The following WDR75 variants were observed in gnomAD, a reference collection of about 807,000 sequenced individuals.
The protein encoded by WDR75 is WD repeat-containing protein 75.
Under a neutral mutation model 106.1 loss-of-function variants are expected in WDR75, and 52 were observed. That is an observed-to-expected ratio of 0.49 (90% CI 0.39 to 0.62). The LOEUF is 0.62. Among genes scored for constraint, WDR75 ranks in the 20% least tolerant of loss-of-function variants. The probability of loss-of-function intolerance (pLI) is 0.00; values close to 1 mark genes in which losing one functional copy is unlikely to be tolerated. For synonymous variants in WDR75, 333 were observed against 335.5 expected (o/e 0.99, Z 0.08); for missense variants, 905 against 970.3 (o/e 0.93, Z 0.89).
chr2:189,467,495 T>C lies in WDR75; in HGVS notation c.1475T>C (p.Phe492Ser). Residue 492 changes from phenylalanine (F) to serine (S), a missense_variant, in exon 14 of 21, where the codon TTT (phenylalanine) becomes TCT (serine). Coordinates refer to ENST00000314761, the MANE Select transcript of WDR75 (RefSeq NM_032168.3). ...AAAGCTGTTGGCTGGACCTGTGACT[T>C]TGTTGGTAGTTATCACAAGTATCAA... ...YKKAVGWTCD[F>S]VGSYHKYQAT... 2 of 1,603,190 alleles carry C rather than the reference T, an allele frequency of 1.2e-6. No homozygotes were observed. Among genetic ancestry groups the C allele is most frequent in the Non-Finnish European group, 1.7e-6 (2 of 1,175,378 alleles).
chr2:189,452,346 T>C (rs13001263), intron 4 of WDR75, among the ~76,000 whole-genome samples: 23,825 of 152,064 alleles, frequency 0.16, 2,363 homozygotes, highest in East Asian at 0.29. Context: ...GATCACAAGG[T>C]CAGGAGATCT....
At chr2:189,445,648 T>G (rs1220781739) in intron 1 of WDR75, among the ~76,000 whole-genome samples, 1 of 152,158 alleles carries the variant, frequency 6.6e-6, no homozygotes, top group East Asian at 1.9e-4. Flanking sequence ...GAGCTCCAAA[T>G]AAATTATGTA....
rs372831615 is a variant in WDR75, at chr2:189,466,398, A to G, written c.1290-27A>G. On this transcript the variant is annotated intron_variant, in intron 12 of 20. Transcript: ENST00000314761. The stretch of plus-strand genomic sequence containing the variant: ...TACATCACTTTGTCCTCATGCAAGA[A>G]TAAATTTGTGGTTTCCTTCCCGCTA... 40 of 1,609,296 alleles carry G rather than the reference A, an allele frequency of 2.5e-5. No individual in the cohort carries two copies. The African/African-American group carries it at 3.5e-4, about 14-fold the overall frequency.
intron 2 of WDR75, chr2:189,450,417 G>A (rs148297409): frequency 1.7e-3 from 1,552 of 932,968 alleles, no homozygotes; most frequent in Non-Finnish European, 1.9e-3. Context: ...GGAGTACAGC[G>A]ATGTGATTGA....
Position 189,470,122 on chromosome 2 carries a change from G to A in WDR75, c.1866G>A (p.Lys622=), listed in dbSNP as rs763278951. 3.7e-6 allele frequency: 6 copies of A among 1,613,292 alleles called. No individual in the cohort carries two copies. The highest frequency in any genetic ancestry group is 4.2e-6 in the Non-Finnish European group (5 of 1,179,550). The change falls in exon 17 of 21, where the codon AAG becomes AAA. Residue 622 remains lysine, a synonymous_variant. Coordinates refer to ENST00000314761, the MANE Select transcript of WDR75 (RefSeq NM_032168.3). ...AGCCAAGGCCATTGTATATTCAAAA[G>A]GGTATCTCCAGAGAGAAAGTCCAGT... is the stretch of plus-strand genomic sequence containing the variant. ...PSEPRPLYIQ[K]GISREKVQWG... is the part of the protein sequence containing the mutation.
Position 189,465,193 on chromosome 2 carries a change from G to A in WDR75, c.1228G>A (p.Glu410Lys), listed in dbSNP as rs753838995. The change falls in exon 12 of 21, where the codon GAA becomes AAA. Residue 410 changes from glutamate (E) to lysine (K), a missense_variant. Physicochemically the swap from Glu to Lys is moderately conservative, Grantham distance 56. Coordinates refer to ENST00000314761, the MANE Select transcript of WDR75 (RefSeq NM_032168.3). ...NWLATVEQRQ[E>K]KETELELQMK... ...GCTTGCAACAGTGGAACAGCGGCAA[G>A]AAAAGGAAACTGAGCTTGAATTGCA... 3.7e-6 allele frequency: 6 copies of A among 1,613,220 alleles called. No homozygotes were observed. The Admixed American group carries it at 1.0e-4, about 27-fold the overall frequency.
At chr2:189,453,779 A>G (rs1574191977) in intron 4 of WDR75, among the ~76,000 whole-genome samples, 1 of 151,630 alleles carries the variant, frequency 6.6e-6, no homozygotes. Flanking sequence ...CTCAAATACA[A>G]AAACATATAT....
At chr2:189,463,660 T>C (rs750003035) in intron 9 of WDR75, 34 bp from the exon 10 acceptor site, 6 of 1,610,898 alleles carry the variant, frequency 3.7e-6, no homozygotes, top group South Asian at 3.3e-5. Context: ...TCTAACCTAT[T>C]GATATTTAAA....
Position 189,451,923 on chromosome 2 carries a change from G to A in WDR75, c.373+28G>A, listed in dbSNP as rs113693273. 1,227 of 1,525,906 alleles carry A rather than the reference G, an allele frequency of 8.0e-4. 16 individuals are homozygous for A. The Admixed American group carries it at 0.019, about 24-fold the overall frequency. The allele number at this position is 1,525,906 out of a possible 1,614,324, so 94.5% of individuals were successfully genotyped here. The stretch of plus-strand genomic sequence containing the variant: ...ATGGTATAATTAACTTACTATATAT[G>A]GCATTGAGTGGCTCTTTACATTTTA... On this transcript the variant is annotated intron_variant, in intron 4 of 20. Coordinates refer to ENST00000314761, the MANE Select transcript of WDR75 (RefSeq NM_032168.3).
intron 17 of WDR75, among the ~76,000 whole-genome samples, chr2:189,470,521 TTTTTTC>T (rs1487715103): frequency 2.0e-5 from 3 of 152,144 alleles, no homozygotes; most frequent in African/African-American, 7.2e-5. Flanking sequence ...TGCATGATTC[TTTTTTC>T]TTTTTCTTTT....
chr2:189,448,887 G>T (rs28509172), intron 2 of WDR75: 18,646 of 471,866 alleles, frequency 0.04, 473 homozygotes, highest in African/African-American at 0.068. Context: ...ACCATTTGGT[G>T]TCTGGAACAC....
chr2:189,452,857 G>A (rs1686656342), intron 4 of WDR75, among the ~76,000 whole-genome samples: 1 of 152,268 alleles, frequency 6.6e-6, no homozygotes, highest in East Asian at 1.9e-4. Context: ...AGAATATGAA[G>A]CAGCTTTAAG....
intron 4 of WDR75, among the ~76,000 whole-genome samples, chr2:189,454,487 A>G (rs1424448840): frequency 6.6e-6 from 1 of 152,076 alleles, no homozygotes. Flanking sequence ...TTTGGAATGT[A>G]AAATGCACCA....
At position 189,469,696 on chromosome 2, in the gene WDR75, G is replaced by C. The variant is rs539259741; in HGVS notation, c.1819+257G>C. The stretch of plus-strand genomic sequence containing the variant: ...AAAATTCAAGAGATTTCACCAGTTT[G>C]ACATATTTCCAACTGCCCCTGAGAA... On this transcript the variant is annotated intron_variant, in intron 16 of 20. Coordinates refer to ENST00000314761, the MANE Select transcript of WDR75 (RefSeq NM_032168.3). Among the ~76,000 whole-genome samples, 7 of 152,068 alleles carry C rather than the reference G, an allele frequency of 4.6e-5. No individual in the cohort carries two copies. The South Asian group carries it at 1.2e-3, about 27-fold the overall frequency.
rs1188214718 is a variant in WDR75 at position 189,442,442 on chromosome 2, C to CTTTTTTTTTTTTTTT, written c.86+876_86+890dup. Among the ~76,000 whole-genome samples, 7 of 73,900 alleles carry CTTTTTTTTTTTTTTT rather than the reference C, an allele frequency of 9.5e-5. 2 individuals are homozygous for CTTTTTTTTTTTTTTT. The highest frequency in any genetic ancestry group is 2.8e-4 in the African/African-American group (5 of 18,100). 48.5% of individuals were successfully genotyped at this position (73,900 alleles called of 152,430 possible). A position where few individuals can be genotyped will look rare whatever the true frequency, so the allele number is the denominator to read the frequency against. On this transcript the variant is annotated intron_variant, in intron 1 of 20. Coordinates refer to ENST00000314761, the MANE Select transcript of WDR75 (RefSeq NM_032168.3). The stretch of plus-strand genomic sequence containing the variant: ...GAAAGTTTGTAGCCTCCACAATATT[C>CTTTTTTTTTTTTTTT]TTTTTTTTTTTTTTTTTTTTTTTTT...
intron 2 of WDR75, chr2:189,449,458 G>A: frequency 8.8e-7 from 1 of 1,133,444 alleles, no homozygotes; most frequent in Non-Finnish European, 1.1e-6. Context: ...GCTGTGTGTA[G>A]TGTTTGAATG....
In WDR75 at chr2:189,474,809, G is replaced by A. The variant is rs896364124; in HGVS notation, c.2288+1G>A. 1 of 1,612,236 alleles carries A rather than the reference G, an allele frequency of 6.2e-7. No individual in the cohort carries two copies. Among genetic ancestry groups the A allele is most frequent in the African/African-American group, 1.3e-5 (1 of 74,876 alleles). Reference sequence around the variant, plus strand: ...TGCTGCTGTCTAAAGAGACTAAGAGGTAAAGCAGTTCTTAAGACAGGTTTG... The same window carrying A: ...TGCTGCTGTCTAAAGAGACTAAGAGATAAAGCAGTTCTTAAGACAGGTTTG... On this transcript the variant is annotated splice_donor_variant, in intron 20 of 20. Transcript: ENST00000314761. LOFTEE classifies it high-confidence loss of function.
intron 11 of WDR75, 90 bp downstream of exon 11, chr2:189,464,051 A>AG (rs1686952659): frequency 9.5e-7 from 1 of 1,057,470 alleles, no homozygotes; most frequent in Admixed American, 2.0e-5. Flanking sequence ...TTTTAAAACA[A>AG]GATCCTGTGC....
intron 13 of WDR75, among the ~76,000 whole-genome samples, 156 bp downstream of exon 13, chr2:189,466,738 A>G (rs2289222): frequency 6.6e-6 from 1 of 152,306 alleles, no homozygotes; most frequent in East Asian, 1.9e-4. Context: ...ATTACATTTT[A>G]CATGCCTTTT....
Sources: gnomAD v4.1 joint callset for allele counts (sites outside exome capture counted in the v4.1 genomes callset) on GRCh38, gnomAD v4.1.1 for gene constraint, MANE v1.5 for transcripts, NCBI Gene and HGNC (gene_info 2026-07-23, HGNC 2026-07-21) for gene names.